RAD51B: variants seen among roughly 807,000 people sequenced by gnomAD.
RAD51B encodes the protein RAD51 paralog B, also known as DNA repair protein RAD51 homolog 2.
Under a neutral mutation model 42.2 loss-of-function variants are expected in RAD51B, and 38 were observed. The observed-to-expected ratio is 0.90, with a 90% CI of 0.70 to 1.18. The LOEUF (loss-of-function observed/expected upper bound fraction) is 1.18. Among genes scored for constraint, RAD51B ranks in the 50% most tolerant of loss-of-function variants. The pLI, the probability that RAD51B is intolerant of heterozygous loss-of-function variation, is 0.00. For missense variants in RAD51B, 373 were observed against 400.7 expected (o/e 0.93, Z 0.59); for synonymous variants, 154 against 145.2 (o/e 1.06, Z -0.43).
intron 7 of RAD51B, among the ~76,000 whole-genome samples, chr14:68,060,716 A>G (rs1159453513): frequency 6.6e-6 from 1 of 152,220 alleles, no homozygotes; most frequent in Non-Finnish European, 1.5e-5. Context: ...ACCTGGGCTT[A>G]TGGTAACGTA....
At chr14:67,878,165 A>G (rs1444051942) in intron 5 of RAD51B, among the ~76,000 whole-genome samples, 1 of 152,212 alleles carries the variant, frequency 6.6e-6, no homozygotes, top group Non-Finnish European at 1.5e-5. Context: ...ATAAACTGCC[A>G]CATTCTCCTC....
intron 11 of RAD51B, among the ~76,000 whole-genome samples, chr14:68,659,113 G>C (rs1043346870): frequency 1.3e-5 from 2 of 152,210 alleles, no homozygotes; most frequent in African/African-American, 4.8e-5. Context: ...ACAGCGCTGG[G>C]GGAAAGCCCT....
intron 7 of RAD51B, among the ~76,000 whole-genome samples, chr14:67,923,298 CTTTTTTTTTT>C (rs34809964): frequency 1.6e-5 from 2 of 123,658 alleles, no homozygotes; most frequent in African/African-American, 6.5e-5. Flanking sequence ...TTTTCTTTTT[CTTTTTTTTTT>C]TTTTTTTTGA....
intron 7 of RAD51B, among the ~76,000 whole-genome samples, chr14:68,142,943 C>T (rs1404781787): frequency 6.6e-6 from 1 of 150,612 alleles, no homozygotes; most frequent in Admixed American, 6.6e-5. Context: ...GCTGAGATGG[C>T]ACCACTGCAC....
exon 11 of RAD51B, chr14:68,611,077 A>G: frequency 1.4e-6 from 1 of 703,154 alleles, no homozygotes; most frequent in Non-Finnish European, 2.6e-6. Flanking sequence ...TCCCAGCCCT[A>G]CCTTCCTGAT....
chr14:68,235,226 A>G (rs932040159), intron 7 of RAD51B, among the ~76,000 whole-genome samples: 4 of 152,014 alleles, frequency 2.6e-5, no homozygotes, highest in Non-Finnish European at 5.9e-5. Context: ...CGTGAGTAAT[A>G]TCTTGCACTA....
intron 7 of RAD51B, among the ~76,000 whole-genome samples, chr14:68,093,696 T>C (rs1484135917): frequency 3.9e-5 from 6 of 152,192 alleles, no homozygotes; most frequent in Admixed American, 3.9e-4. Context: ...GTGTCTCTAT[T>C]TCCTTCAGTT....
rs960314107 is a variant in RAD51B at position 67,819,829 on chromosome 14, T to C, written c.-27T>C. 2 of 152,102 alleles carry C rather than the reference T, an allele frequency of 1.3e-5. No individual in the cohort carries two copies. Among genetic ancestry groups the C allele is most frequent in the African/African-American group, 4.8e-5 (2 of 41,380 alleles). The allele number at this position is 152,102 out of a possible 1,614,324, so 9.4% of individuals were successfully genotyped here. On this transcript the variant is annotated 5_prime_UTR_variant, in exon 1 of 11. Transcript: ENST00000471583. The stretch of plus-strand genomic sequence containing the variant: ...GAAACTGTGTAAAGGGTGGGGAAAC[T>C]TGAAAGTTGGATGCTGCAGACCCGG...
chr14:68,227,967 C>T lies in RAD51B; in HGVS notation c.757-63917C>T, dbSNP rs11628918. Reference sequence around the variant, plus strand: ...AATGATAGTCATTATGTATTAAGGGCCTACTCTGTGTTAGCACTGTGCTAA... The same window carrying T: ...AATGATAGTCATTATGTATTAAGGGTCTACTCTGTGTTAGCACTGTGCTAA... On this transcript the variant is annotated intron_variant, in intron 7 of 10. Transcript: ENST00000471583. Among the ~76,000 whole-genome samples, 405 of 152,154 alleles carry T rather than the reference C, an allele frequency of 2.7e-3. 3 individuals are homozygous for T. Among genetic ancestry groups the T allele is most frequent in the Non-Finnish European group, 3.9e-3 (267 of 68,000 alleles).
intron 10 of RAD51B, among the ~76,000 whole-genome samples, chr14:68,616,784 T>C (rs1891835521): frequency 6.6e-6 from 1 of 152,116 alleles, no homozygotes; most frequent in African/African-American, 2.4e-5. Flanking sequence ...TTTGTTTTGT[T>C]TTGTTTTTGA....
At chr14:68,387,567 G>A (rs1017439048) in intron 8 of RAD51B, among the ~76,000 whole-genome samples, 6 of 152,194 alleles carry the variant, frequency 3.9e-5, no homozygotes, top group Non-Finnish European at 7.3e-5. Flanking sequence ...CTGTACGTCT[G>A]TCTCTTTTTA....
At chr14:68,244,479 T>C (rs1044429239) in intron 7 of RAD51B, among the ~76,000 whole-genome samples, 7 of 152,200 alleles carry the variant, frequency 4.6e-5, no homozygotes, top group Non-Finnish European at 8.8e-5. Context: ...GCTTCAGTAT[T>C]GTCTTCTATT....
intron 10 of RAD51B, among the ~76,000 whole-genome samples, chr14:68,633,999 C>G (rs1415438473): frequency 6.6e-6 from 1 of 152,210 alleles, no homozygotes; most frequent in Non-Finnish European, 1.5e-5. Context: ...TTGCTTGTCA[C>G]TGACCAAGAC....
At chr14:67,965,462 A>G (rs1409497823) in intron 7 of RAD51B, among the ~76,000 whole-genome samples, 2 of 151,984 alleles carry the variant, frequency 1.3e-5, no homozygotes, top group Admixed American at 1.3e-4. Context: ...ACTCTTGTCA[A>G]ATCTCTTTCT....
intron 7 of RAD51B, among the ~76,000 whole-genome samples, chr14:68,108,845 T>TC (rs1265494956): frequency 6.6e-6 from 1 of 151,984 alleles, no homozygotes; most frequent in Non-Finnish European, 1.5e-5. Context: ...TTGGATTTAG[T>TC]CCACCACTTC....
At chr14:68,354,522 T>C (rs2082858542) in intron 8 of RAD51B, among the ~76,000 whole-genome samples, 1 of 151,986 alleles carries the variant, frequency 6.6e-6, no homozygotes, top group Admixed American at 6.5e-5. Flanking sequence ...CCCAATAATG[T>C]TTTAAACGAG....
chr14:68,611,221 G>C, exon 11 of RAD51B: 2 of 703,040 alleles, frequency 2.8e-6, no homozygotes, highest in South Asian at 1.5e-5. Context: ...AATCAGAACA[G>C]AGACTTTGGA....
At chr14:68,618,453 C>T (rs1322494600) in intron 10 of RAD51B, among the ~76,000 whole-genome samples, 1 of 152,182 alleles carries the variant, frequency 6.6e-6, no homozygotes, top group Non-Finnish European at 1.5e-5. Context: ...TGTGGATTCT[C>T]CTAACTATTC....
chr14:68,125,590 T>C (rs2077740110), intron 7 of RAD51B, among the ~76,000 whole-genome samples: 1 of 152,208 alleles, frequency 6.6e-6, no homozygotes, highest in Non-Finnish European at 1.5e-5. Context: ...AGCACTTTGG[T>C]TAATGTGTAC....
Sources: gnomAD v4.1 joint callset for allele counts (sites outside exome capture counted in the v4.1 genomes callset) on GRCh38, gnomAD v4.1.1 for gene constraint, MANE v1.5 for transcripts, NCBI Gene and HGNC (gene_info 2026-07-23, HGNC 2026-07-21) for gene names.